The following TMEM178B variants were observed in gnomAD, a reference collection of about 807,000 sequenced individuals.
TMEM178B encodes the protein transmembrane protein 178B.
A neutral mutation model predicts 31.0 loss-of-function variants in TMEM178B; 5 were observed. That is an observed-to-expected ratio of 0.16 (90% CI 0.08 to 0.34). The LOEUF (loss-of-function observed/expected upper bound fraction) is 0.34, where lower values mean the gene tolerates loss of function less well. Among genes scored for constraint, TMEM178B ranks in the 10% least tolerant of loss-of-function variants. TMEM178B has a pLI of 1.00. For synonymous variants in TMEM178B, 164 were observed against 164.0 expected, an observed-to-expected ratio of 1.00 and a Z score of 0.00; for missense variants, 275 against 400.3, an observed-to-expected ratio of 0.69 and a Z score of 2.67.
chr7:141,229,013 C>CTTTTT (rs3035763), intron 2 of TMEM178B, among the ~76,000 whole-genome samples: 2,189 of 80,574 alleles, frequency 0.027, 148 homozygotes, highest in African/African-American at 0.11. Flanking sequence ...TCAGTACTAT[C>CTTTTT]TTTTTTTTTT....
intron 1 of TMEM178B, among the ~76,000 whole-genome samples, chr7:141,187,541 A>G (rs1028920967): frequency 6.6e-6 from 1 of 152,154 alleles, no homozygotes; most frequent in African/African-American, 2.4e-5. Flanking sequence ...TGGTTGAACT[A>G]GTTTACAGTC....
the TMEM178B span, among the ~76,000 whole-genome samples, chr7:141,508,654 G>A: frequency 2.7e-4 from 41 of 152,318 alleles, no homozygotes; most frequent in Middle Eastern, 3.4e-3. Context: ...GGCGGGAGGC[G>A]AAAGGCACTT....
chr7:141,213,237 G>A (rs1292067815), intron 2 of TMEM178B, among the ~76,000 whole-genome samples: 2 of 152,182 alleles, frequency 1.3e-5, no homozygotes, highest in African/African-American at 2.4e-5. Context: ...TGGAACCTTG[G>A]TTCATGTGCA....
At chr7:141,142,400 T>C (rs1187716568) in intron 1 of TMEM178B, among the ~76,000 whole-genome samples, 1 of 146,924 alleles carries the variant, frequency 6.8e-6, no homozygotes, top group African/African-American at 2.7e-5. Context: ...ATTTTCTTTT[T>C]TCTTTTCTTT....
intron 2 of TMEM178B, among the ~76,000 whole-genome samples, chr7:141,317,002 G>T (rs1799017275): frequency 6.6e-6 from 1 of 152,152 alleles, no homozygotes; most frequent in African/African-American, 2.4e-5. Context: ...CTTTGGTGCT[G>T]GATATCCTTG....
chr7:141,466,654 C>A (rs1802152519), intron 3 of TMEM178B, among the ~76,000 whole-genome samples: 1 of 152,116 alleles, frequency 6.6e-6, no homozygotes, highest in Non-Finnish European at 1.5e-5. Flanking sequence ...TGACCTCAAT[C>A]CCATCCACAG....
chr7:141,168,518 T>A (rs936548727), intron 1 of TMEM178B, among the ~76,000 whole-genome samples: 2 of 152,206 alleles, frequency 1.3e-5, no homozygotes, highest in African/African-American at 2.4e-5. Flanking sequence ...CTGCCTGTAA[T>A]CCTAGCACTT....
intron 2 of TMEM178B, among the ~76,000 whole-genome samples, chr7:141,319,691 C>G (rs1799065511): frequency 6.6e-6 from 1 of 152,156 alleles, no homozygotes; most frequent in Non-Finnish European, 1.5e-5. Context: ...GCATGCACCA[C>G]CATGCCTGGC....
intron 1 of TMEM178B, among the ~76,000 whole-genome samples, chr7:141,204,997 G>GT (rs937547875): frequency 6.6e-5 from 10 of 151,400 alleles, no homozygotes; most frequent in East Asian, 1.9e-4. Flanking sequence ...ATTTTTAAAA[G>GT]TTTTTTTTTA....
chr7:141,441,642 A>G (rs1028940780), intron 3 of TMEM178B, among the ~76,000 whole-genome samples: 2 of 152,208 alleles, frequency 1.3e-5, no homozygotes, highest in African/African-American at 4.8e-5. Context: ...AAGAGGCAGC[A>G]AGAATGAAGA....
chr7:141,492,929 T>C, the TMEM178B span, among the ~76,000 whole-genome samples: 1 of 152,048 alleles, frequency 6.6e-6, no homozygotes, highest in African/African-American at 2.4e-5. Context: ...CAACAAAGAG[T>C]CTGGTGATCT....
chr7:141,451,142 G>T (rs754485782), intron 3 of TMEM178B, among the ~76,000 whole-genome samples: 3 of 152,166 alleles, frequency 2.0e-5, no homozygotes, highest in Admixed American at 1.3e-4. Flanking sequence ...TTCTGCTACC[G>T]AAGTGTTAAC....
chr7:141,435,245 G>A (rs375997216), intron 2 of TMEM178B, among the ~76,000 whole-genome samples: 1 of 152,246 alleles, frequency 6.6e-6, no homozygotes, highest in East Asian at 1.9e-4. Context: ...AACTCAAAAT[G>A]GATTAAATAC....
chr7:141,087,224 A>G (rs1794803452), intron 1 of TMEM178B, among the ~76,000 whole-genome samples: 2 of 152,216 alleles, frequency 1.3e-5, no homozygotes, highest in South Asian at 2.1e-4. Flanking sequence ...AAGCATTTAG[A>G]AAAAAGGGGA....
At chr7:141,368,221 A>G (rs1437043841) in intron 2 of TMEM178B, among the ~76,000 whole-genome samples, 2 of 152,192 alleles carry the variant, frequency 1.3e-5, no homozygotes, top group Non-Finnish European at 2.9e-5. Context: ...CAGGAGGCTG[A>G]GGTGGGAGAA....
chr7:141,232,810 T>G (rs925875137), intron 2 of TMEM178B, among the ~76,000 whole-genome samples: 1 of 152,118 alleles, frequency 6.6e-6, no homozygotes, highest in Non-Finnish European at 1.5e-5. Flanking sequence ...TGTGTCCCAT[T>G]AGGAGCCCTG....
chr7:141,284,882 G>C (rs1798419489), intron 2 of TMEM178B, among the ~76,000 whole-genome samples: 1 of 152,078 alleles, frequency 6.6e-6, no homozygotes, highest in African/African-American at 2.4e-5. Context: ...ACTTTATGCA[G>C]GGATTCAGTA....
At chr7:141,401,176 T>C (rs1036087242) in intron 2 of TMEM178B, among the ~76,000 whole-genome samples, 5 of 152,168 alleles carry the variant, frequency 3.3e-5, no homozygotes, top group Non-Finnish European at 5.9e-5. Context: ...TCATATAAAA[T>C]AGAATGAGTA....
chr7:141,121,809 T>C (rs557255483), intron 1 of TMEM178B, among the ~76,000 whole-genome samples: 21 of 152,286 alleles, frequency 1.4e-4, no homozygotes, highest in Non-Finnish European at 2.2e-4. Flanking sequence ...TTTCCTTGGG[T>C]CTCTGGAGAT....
Sources: gnomAD v4.1 joint callset for allele counts (sites outside exome capture counted in the v4.1 genomes callset) on GRCh38, gnomAD v4.1.1 for gene constraint, MANE v1.5 for transcripts, NCBI Gene and HGNC (gene_info 2026-07-23, HGNC 2026-07-21) for gene names.